FLT3: variants seen among roughly 807,000 people sequenced by gnomAD.
FLT3 encodes the protein fms related receptor tyrosine kinase 3.
In FLT3, 46 loss-of-function variants were observed where a neutral mutation model predicts 126.6. The ratio of observed to expected loss-of-function variants is 0.36; its 90% CI spans 0.29 to 0.46. FLT3 has a LOEUF of 0.46. Among genes scored for constraint, FLT3 ranks in the 20% least tolerant of loss-of-function variants. FLT3 has a pLI of 1.00. For synonymous variants in FLT3, 404 were observed against 434.4 expected, an observed-to-expected ratio of 0.93 and a Z score of 0.87; for missense variants, 1,069 against 1,190.3, an observed-to-expected ratio of 0.90 and a Z score of 1.50.
At chr13:28,092,474 C>T (rs1005757221) in intron 1 of FLT3, among the ~76,000 whole-genome samples, 1 of 152,110 alleles carries the variant, frequency 6.6e-6, no homozygotes, top group Non-Finnish European at 1.5e-5. Flanking sequence ...TCAAGTGATC[C>T]TCCTGCCTCA....
At chr13:28,089,028 A>G (rs566631929) in intron 1 of FLT3, among the ~76,000 whole-genome samples, 2 of 152,358 alleles carry the variant, frequency 1.3e-5, no homozygotes, top group African/African-American at 4.8e-5. Context: ...AGTTTTAAAA[A>G]TGGGCAAAAG....
chr13:28,049,316 C>G, intron 8 of FLT3, 68 bp downstream of exon 8: 2 of 1,368,912 alleles, frequency 1.5e-6, no homozygotes, highest in Non-Finnish European at 2.0e-6. Flanking sequence ...ATTTGTACCA[C>G]ATACTTCACA....
At chr13:28,078,472 T>A (rs1878105790) in intron 1 of FLT3, among the ~76,000 whole-genome samples, 1 of 152,164 alleles carries the variant, frequency 6.6e-6, no homozygotes, top group Non-Finnish European at 1.5e-5. Context: ...TGGATGGAGC[T>A]GCTGGGACAC....
chr13:28,011,590 G>A (rs1871366703), intron 23 of FLT3, among the ~76,000 whole-genome samples: 1 of 151,058 alleles, frequency 6.6e-6, no homozygotes, highest in Non-Finnish European at 1.5e-5. Flanking sequence ...GGCTTAGACT[G>A]AGGCAGGCTG....
At position 28,050,080 on chromosome 13, in the gene FLT3, A is replaced by G. The variant is rs1014692303; in HGVS notation, c.742+15T>C. On this transcript the variant is annotated intron_variant, in intron 6 of 23. Transcript: ENST00000241453. Reference sequence around the variant, plus strand: ...CGGTCACTGAAAATGAAAGTGCATGATATTATAGTGTTACCTATTGTGAAC... The same window carrying G: ...CGGTCACTGAAAATGAAAGTGCATGGTATTATAGTGTTACCTATTGTGAAC... The G allele has an allele frequency of 1.9e-6, 3 of 1,613,550 alleles. No individual in the cohort carries two copies. Among genetic ancestry groups the G allele is most frequent in the African/African-American group, 2.7e-5 (2 of 74,912 alleles).
intron 23 of FLT3, among the ~76,000 whole-genome samples, chr13:28,007,342 G>A (rs1371690384): frequency 6.6e-6 from 1 of 152,096 alleles, no homozygotes; most frequent in East Asian, 1.9e-4. Flanking sequence ...AACCTCCTAG[G>A]CAGAAGTGAT....
intron 8 of FLT3, 107 bp from the exon 9 acceptor site, chr13:28,048,550 A>C: frequency 2.6e-6 from 2 of 766,832 alleles, no homozygotes; most frequent in Non-Finnish European, 4.2e-6. Context: ...AGGAAAACTC[A>C]AGTGTTGGCA....
chr13:28,057,683 G>A (rs879474630), intron 3 of FLT3, among the ~76,000 whole-genome samples: 2 of 152,060 alleles, frequency 1.3e-5, no homozygotes, highest in Admixed American at 6.6e-5. Flanking sequence ...GGGTGGGAGA[G>A]CTCCATTCCG....
chr13:28,036,534 T>C (rs1004624981), intron 10 of FLT3, among the ~76,000 whole-genome samples: 7 of 152,314 alleles, frequency 4.6e-5, no homozygotes, highest in African/African-American at 1.7e-4. Context: ...GAAATGAAAA[T>C]TATTAAAAAC....
intron 2 of FLT3, among the ~76,000 whole-genome samples, chr13:28,063,946 G>A (rs1876792139): frequency 6.6e-6 from 1 of 152,066 alleles, no homozygotes; most frequent in Admixed American, 6.6e-5. Context: ...AATTGAGCTG[G>A]ATCATAAAAG....
rs1294671642 is a variant in FLT3, at chr13:28,028,171, G to A, written c.2053+7C>T. 1 of 1,456,710 alleles carries A rather than the reference G, an allele frequency of 6.9e-7. No homozygotes were observed. The highest frequency in any genetic ancestry group is 9.6e-7 in the Non-Finnish European group (1 of 1,036,902). 90.2% of individuals were successfully genotyped at this position (1,456,710 alleles called of 1,614,324 possible). On this transcript the variant is annotated splice_region_variant and intron_variant, in intron 16 of 23. Transcript: ENST00000241453. The stretch of plus-strand genomic sequence containing the variant: ...TTGATGAGGTGATTTTCGTGGAAGT[G>A]GGTTACCTGACAGTGTGCACGCCCC...
chr13:28,009,470 C>G (rs909693109), intron 23 of FLT3: 4 of 152,200 alleles, frequency 2.6e-5, no homozygotes, highest in African/African-American at 9.7e-5. Context: ...CTTTCATTGT[C>G]TCAGGGATTT....
intron 15 of FLT3, among the ~76,000 whole-genome samples, chr13:28,032,201 C>T (rs1355857459): frequency 6.6e-6 from 1 of 152,140 alleles, no homozygotes; most frequent in African/African-American, 2.4e-5. Context: ...GGGGAATTCA[C>T]CTTGCATACA....
At chr13:28,008,275 CAAAAAAAAAA>C (rs11409962) in intron 23 of FLT3, among the ~76,000 whole-genome samples, 5 of 87,112 alleles carry the variant, frequency 5.7e-5, no homozygotes, top group Admixed American at 1.5e-4. Context: ...GAACCTGTCT[CAAAAAAAAAA>C]AAAAAAAAAA....
chr13:28,050,801 A>G (rs1314527359), intron 5 of FLT3, among the ~76,000 whole-genome samples: 2 of 151,604 alleles, frequency 1.3e-5, no homozygotes, highest in African/African-American at 2.4e-5. Context: ...ACTTTGGAAC[A>G]AAGTATTTGG....
chr13:28,019,115 G>A (rs995356641), intron 19 of FLT3, among the ~76,000 whole-genome samples: 8 of 151,950 alleles, frequency 5.3e-5, no homozygotes, highest in African/African-American at 1.9e-4. Flanking sequence ...TTACAGGCAC[G>A]CGCCACCAGG....
chr13:28,032,278 C>T (rs9512990), intron 15 of FLT3, among the ~76,000 whole-genome samples: 23,853 of 152,074 alleles, frequency 0.16, 2,192 homozygotes, highest in Middle Eastern at 0.26. Context: ...CGAAAGGAGA[C>T]GCAAGCATGA....
chr13:28,015,078 T>G, intron 22 of FLT3, 79 bp downstream of exon 22: 2 of 867,068 alleles, frequency 2.3e-6, no homozygotes, highest in South Asian at 2.9e-5. Flanking sequence ...GGAGTTTGAC[T>G]TTTTTTGGTC....
rs41291684 is a variant in FLT3, at chr13:28,057,339, G to A, written c.484+8C>T. On this transcript the variant is annotated splice_region_variant and intron_variant, in intron 4 of 23. Transcript: ENST00000241453. ...CAGGCTGGAATACTAGTAGCAGGCT[G>A]GACTTACTTCTTATACTCACTGTAA... The A allele has an allele frequency of 2.0e-3, 2,264 of 1,148,348 alleles. 3 individuals are homozygous for A. Among genetic ancestry groups the A allele is most frequent in the Admixed American group, 2.8e-3 (169 of 59,406 alleles). The allele number at this position is 1,148,348 out of a possible 1,614,324, so 71.1% of individuals were successfully genotyped here. A position where few individuals can be genotyped will look rare whatever the true frequency, so the allele number is the denominator to read the frequency against.
Sources: gnomAD v4.1 joint callset for allele counts (sites outside exome capture counted in the v4.1 genomes callset) on GRCh38, gnomAD v4.1.1 for gene constraint, MANE v1.5 for transcripts, NCBI Gene and HGNC (gene_info 2026-07-23, HGNC 2026-07-21) for gene names.